Variants in SCAPER observed in about 807,000 individuals in gnomAD.
SCAPER encodes S-phase cyclin A associated protein in the ER.
A neutral mutation model predicts 182.2 loss-of-function variants in SCAPER; 98 were observed. That is an observed-to-expected ratio of 0.54 (90% CI 0.46 to 0.64). The LOEUF is 0.64. Among genes scored for constraint, SCAPER ranks in the 30% least tolerant of loss-of-function variants. The pLI, the probability that SCAPER is intolerant of heterozygous loss-of-function variation, is 0.00. For missense variants in SCAPER, 1,432 were observed against 1,690.0 expected, an observed-to-expected ratio of 0.85 and a Z score of 2.68; for synonymous variants, 605 against 564.6, an observed-to-expected ratio of 1.07 and a Z score of -1.01.
At chr15:76,798,029 G>A (rs1379804445) in intron 7 of SCAPER, among the ~76,000 whole-genome samples, 1 of 151,554 alleles carries the variant, frequency 6.6e-6, no homozygotes, top group African/African-American at 2.4e-5. Context: ...GGGCTTACTA[G>A]ACAAAGACTT....
In SCAPER at chr15:76,572,493, C is replaced by T. The variant is rs80321981; in HGVS notation, c.2838+1665G>A. ...CTGCCACAATGCCACACTGAATAGGCTGCTTTCGATTCCTCCAGACGACTG... is the reference window on the plus strand; with the variant it reads ...CTGCCACAATGCCACACTGAATAGGTTGCTTTCGATTCCTCCAGACGACTG... On this transcript the variant is annotated intron_variant, in intron 23 of 31. Coordinates refer to ENST00000563290, the MANE Select transcript of SCAPER (RefSeq NM_020843.4). 9.0e-3 allele frequency among the ~76,000 whole-genome samples: 1,372 copies of T among 152,320 alleles called. 21 individuals carry two copies. Among genetic ancestry groups the T allele is most frequent in the African/African-American group, 0.032 (1,333 of 41,568 alleles).
chr15:76,713,531 A>G (rs2059711112), intron 17 of SCAPER, among the ~76,000 whole-genome samples: 1 of 152,108 alleles, frequency 6.6e-6, no homozygotes, highest in African/African-American at 2.4e-5. Context: ...TCGCAAGGAC[A>G]AAAAACCAAA....
intron 27 of SCAPER, among the ~76,000 whole-genome samples, chr15:76,402,978 A>C (rs961559104): frequency 1.3e-5 from 2 of 152,186 alleles, no homozygotes; most frequent in Admixed American, 6.5e-5. Flanking sequence ...ACAGACTGTA[A>C]AACAATCACA....
intron 5 of SCAPER, among the ~76,000 whole-genome samples, chr15:76,834,735 C>G (rs1264124093): frequency 2.6e-5 from 4 of 152,096 alleles, no homozygotes. Context: ...ACCAACCCCA[C>G]AGAAATACAA....
At chr15:76,611,876 TTTGATAAAATTTAACATCC>T (rs2051031531) in intron 22 of SCAPER, among the ~76,000 whole-genome samples, 2 of 152,160 alleles carry the variant, frequency 1.3e-5, no homozygotes, top group Non-Finnish European at 2.9e-5. Flanking sequence ...AGAAATGGCT[TTTGATAAAATTTAACATCC>T]ATTCATGTTA....
chr15:76,810,878 G>A (rs1472522300), intron 5 of SCAPER, among the ~76,000 whole-genome samples: 1 of 151,892 alleles, frequency 6.6e-6, no homozygotes, highest in Non-Finnish European at 1.5e-5. Flanking sequence ...AAAGAAAGTA[G>A]AAATGACTAA....
intron 25 of SCAPER, among the ~76,000 whole-genome samples, chr15:76,438,466 T>C (rs1179388842): frequency 6.6e-6 from 1 of 152,172 alleles, no homozygotes; most frequent in Non-Finnish European, 1.5e-5. Flanking sequence ...TACACTATTG[T>C]TATATTCTCT....
intron 22 of SCAPER, among the ~76,000 whole-genome samples, chr15:76,579,289 A>AAAAAAAAAAAG (rs60204833): frequency 6.7e-6 from 1 of 150,138 alleles, no homozygotes. Context: ...AAAAAAAAAA[A>AAAAAAAAAAAG]TAGTAACTAC....
chr15:76,836,104 T>G (rs1296079234), intron 5 of SCAPER, among the ~76,000 whole-genome samples: 3 of 152,190 alleles, frequency 2.0e-5, no homozygotes, highest in Non-Finnish European at 4.4e-5. Flanking sequence ...ATTGCTATAC[T>G]GCCCAAAGCA....
chr15:76,399,438 A>G (rs2044303002), intron 27 of SCAPER, among the ~76,000 whole-genome samples: 1 of 152,158 alleles, frequency 6.6e-6, no homozygotes, highest in Admixed American at 6.5e-5. Context: ...CTGGCCAGAA[A>G]TAGGCATTTC....
chr15:76,845,909 A>G (rs762868293), intron 4 of SCAPER, among the ~76,000 whole-genome samples: 3 of 152,132 alleles, frequency 2.0e-5, no homozygotes, highest in Admixed American at 6.6e-5. Context: ...GAAAAGAACA[A>G]AACTAGAGGA....
At chr15:76,508,606 C>G (rs1172925114) in intron 23 of SCAPER, among the ~76,000 whole-genome samples, 1 of 152,132 alleles carries the variant, frequency 6.6e-6, no homozygotes, top group South Asian at 2.1e-4. Flanking sequence ...TGGGTGTGTA[C>G]TGGCATTTTT....
chr15:76,788,959 G>A (rs567768681), intron 8 of SCAPER, among the ~76,000 whole-genome samples: 3 of 151,968 alleles, frequency 2.0e-5, no homozygotes, highest in South Asian at 2.1e-4. Flanking sequence ...ACAGCTACCC[G>A]GCCCAATTTC....
chr15:76,887,550 C>T (rs983749910), intron 1 of SCAPER, among the ~76,000 whole-genome samples: 1 of 152,182 alleles, frequency 6.6e-6, no homozygotes, highest in East Asian at 1.9e-4. Flanking sequence ...CTTGTCACTG[C>T]TAGTGTAGCA....
intron 22 of SCAPER, among the ~76,000 whole-genome samples, chr15:76,602,846 G>C (rs1387425751): frequency 1.7e-5 from 2 of 114,840 alleles, no homozygotes; most frequent in African/African-American, 5.2e-5. Flanking sequence ...TCAGCTATCT[G>C]GTCTACTAAT....
At chr15:76,591,142 G>T (rs1293660848) in intron 22 of SCAPER, among the ~76,000 whole-genome samples, 1 of 151,972 alleles carries the variant, frequency 6.6e-6, no homozygotes, top group African/African-American at 2.4e-5. Context: ...ATATATCTTT[G>T]TAACAAAGTT....
intron 9 of SCAPER, 139 bp from the exon 10 acceptor site, chr15:76,772,093 C>T: frequency 3.1e-6 from 2 of 651,974 alleles, no homozygotes; most frequent in Non-Finnish European, 5.1e-6. Flanking sequence ...ATTTACTCAT[C>T]TTTTTTGTAT....
At chr15:76,891,388 T>G (rs1219727325) in intron 1 of SCAPER, among the ~76,000 whole-genome samples, 1 of 152,200 alleles carries the variant, frequency 6.6e-6, no homozygotes, top group Non-Finnish European at 1.5e-5. Flanking sequence ...TTGTCCCTGC[T>G]GGCAGATAAC....
intron 29 of SCAPER, among the ~76,000 whole-genome samples, chr15:76,362,422 T>C (rs1260587129): frequency 6.6e-6 from 1 of 151,982 alleles, no homozygotes; most frequent in Non-Finnish European, 1.5e-5. Flanking sequence ...CCTCTTTTTT[T>C]TTTTTTTCAA....
Sources: gnomAD v4.1 joint callset for allele counts (sites outside exome capture counted in the v4.1 genomes callset) on GRCh38, gnomAD v4.1.1 for gene constraint, MANE v1.5 for transcripts, NCBI Gene and HGNC (gene_info 2026-07-23, HGNC 2026-07-21) for gene names.